The following KCNH7 variants were observed in gnomAD, a reference collection of about 807,000 sequenced individuals.
KCNH7 encodes the protein potassium voltage-gated channel subfamily H member 7, also known as voltage-gated inwardly rectifying potassium channel KCNH7.
Under a neutral mutation model 120.8 loss-of-function variants are expected in KCNH7, and 49 were observed. The ratio of observed to expected loss-of-function variants is 0.41; its 90% CI spans 0.32 to 0.51. The LOEUF (loss-of-function observed/expected upper bound fraction) is 0.51. Ranked by LOEUF, KCNH7 falls within the 20% of genes least tolerant of loss-of-function variation. KCNH7 has a pLI of 0.38. For missense variants in KCNH7, 1,097 were observed against 1,446.6 expected, an observed-to-expected ratio of 0.76 and a Z score of 3.92; for synonymous variants, 547 against 516.1, an observed-to-expected ratio of 1.06 and a Z score of -0.81.
At chr2:162,630,239 A>G (rs1341688890) in intron 2 of KCNH7, among the ~76,000 whole-genome samples, 1 of 152,126 alleles carries the variant, frequency 6.6e-6, no homozygotes, top group African/African-American at 2.4e-5. Context: ...AGTCCTACAA[A>G]TAGATAAACA....
At chr2:162,432,422 C>T (rs998130441) in intron 8 of KCNH7, among the ~76,000 whole-genome samples, 2 of 151,892 alleles carry the variant, frequency 1.3e-5, no homozygotes, top group Admixed American at 6.6e-5. Flanking sequence ...ATGAAAAGTA[C>T]ATTTTATATA....
intron 6 of KCNH7, among the ~76,000 whole-genome samples, chr2:162,480,200 G>A (rs574971901): frequency 4.9e-4 from 74 of 151,796 alleles, no homozygotes; most frequent in Middle Eastern, 3.4e-3. Flanking sequence ...AGACACTTGC[G>A]GTGTATGCAT....
At chr2:162,536,428 T>G (rs896582976) in intron 3 of KCNH7, among the ~76,000 whole-genome samples, 1 of 151,968 alleles carries the variant, frequency 6.6e-6, no homozygotes, top group African/African-American at 2.4e-5. Context: ...AAACGGATTC[T>G]GACACGCTTT....
intron 2 of KCNH7, among the ~76,000 whole-genome samples, chr2:162,560,632 C>T (rs995224280): frequency 1.3e-5 from 2 of 152,118 alleles, no homozygotes; most frequent in Admixed American, 1.3e-4. Context: ...TGAGTGATGC[C>T]AGTCAAGTAT....
chr2:162,682,980 TAA>T (rs1252289933), intron 2 of KCNH7, among the ~76,000 whole-genome samples: 1 of 151,892 alleles, frequency 6.6e-6, no homozygotes, highest in East Asian at 1.9e-4. Flanking sequence ...TAGGATAGTC[TAA>T]TTTTTTTATT....
At chr2:162,384,170 G>A (rs1029996443) in intron 13 of KCNH7, among the ~76,000 whole-genome samples, 1 of 151,494 alleles carries the variant, frequency 6.6e-6, no homozygotes, top group African/African-American at 2.4e-5. Flanking sequence ...ATTCCTTTTG[G>A]AAATAAAAAT....
intron 3 of KCNH7, among the ~76,000 whole-genome samples, chr2:162,520,838 T>G (rs1041718299): frequency 2.6e-5 from 4 of 151,846 alleles, no homozygotes; most frequent in Non-Finnish European, 5.9e-5. Context: ...TGTGCTCCCC[T>G]GCTACCAATA....
At chr2:162,634,300 G>A (rs1015817483) in intron 2 of KCNH7, among the ~76,000 whole-genome samples, 1 of 151,944 alleles carries the variant, frequency 6.6e-6, no homozygotes, top group African/African-American at 2.4e-5. Context: ...CTCTTTCTTT[G>A]TATAGGTAAC....
At chr2:162,570,050 T>C (rs187342177) in intron 2 of KCNH7, among the ~76,000 whole-genome samples, 4,753 of 140,756 alleles carry the variant, frequency 0.034, 310 homozygotes, top group African/African-American at 0.12. Context: ...TTAGGTCTGC[T>C]TGGTGCAGAG....
chr2:162,707,822 T>C (rs1404164056), intron 2 of KCNH7, among the ~76,000 whole-genome samples: 1 of 152,140 alleles, frequency 6.6e-6, no homozygotes, highest in Non-Finnish European at 1.5e-5. Context: ...ACTGACCTCC[T>C]GGTGGTTTCT....
intron 2 of KCNH7, among the ~76,000 whole-genome samples, chr2:162,768,606 G>A (rs940196737): frequency 2.6e-5 from 4 of 152,150 alleles, no homozygotes. Flanking sequence ...AATGAGAGAG[G>A]CCAGTAGGAT....
At chr2:162,602,043 A>C (rs1694575911) in intron 2 of KCNH7, among the ~76,000 whole-genome samples, 1 of 152,026 alleles carries the variant, frequency 6.6e-6, no homozygotes, top group African/African-American at 2.4e-5. Flanking sequence ...CTTGCAGAGG[A>C]GGGGGGTGGA....
intron 2 of KCNH7, among the ~76,000 whole-genome samples, chr2:162,809,621 G>A (rs1427392511): frequency 6.6e-6 from 1 of 152,098 alleles, no homozygotes; most frequent in East Asian, 1.9e-4. Flanking sequence ...GGGAGAGTAA[G>A]ACCATTGGAT....
chr2:162,524,866 C>G (rs918145957), intron 3 of KCNH7, among the ~76,000 whole-genome samples: 2 of 151,922 alleles, frequency 1.3e-5, no homozygotes, highest in African/African-American at 4.8e-5. Flanking sequence ...AGGTATATGA[C>G]GTTGCCTATG....
chr2:162,373,234 T>C (rs1686030693), intron 15 of KCNH7, among the ~76,000 whole-genome samples: 1 of 152,198 alleles, frequency 6.6e-6, no homozygotes, highest in Non-Finnish European at 1.5e-5. Flanking sequence ...AAAATGCTAA[T>C]GTTTAAAATT....
At chr2:162,761,223 G>A (rs1403306416) in intron 2 of KCNH7, among the ~76,000 whole-genome samples, 1 of 152,020 alleles carries the variant, frequency 6.6e-6, no homozygotes, top group East Asian at 1.9e-4. Context: ...GCTTAAGTGA[G>A]GGAGTTCTAC....
intron 2 of KCNH7, among the ~76,000 whole-genome samples, chr2:162,622,331 G>C: frequency 6.6e-6 from 1 of 152,166 alleles, no homozygotes; most frequent in South Asian, 2.1e-4. Context: ...AAAAGGAAAA[G>C]GATATTAGCC....
At chr2:162,779,317 C>T (rs931972963) in intron 2 of KCNH7, among the ~76,000 whole-genome samples, 1 of 152,056 alleles carries the variant, frequency 6.6e-6, no homozygotes, top group African/African-American at 2.4e-5. Flanking sequence ...TCTCTCACCT[C>T]AGCCTCCTGA....
intron 2 of KCNH7, among the ~76,000 whole-genome samples, chr2:162,624,684 T>C (rs888439161): frequency 7.9e-5 from 12 of 152,116 alleles, no homozygotes; most frequent in Admixed American, 7.2e-4. Context: ...GCTGCTATCA[T>C]ATACATCTTT....
Sources: allele counts gnomAD v4.1 joint callset (sites outside exome capture counted in the v4.1 genomes callset), GRCh38; gene constraint gnomAD v4.1.1; transcripts MANE v1.5; gene names NCBI Gene and HGNC (gene_info 2026-07-23, HGNC 2026-07-21).